The following SPMIP3 variants were observed in gnomAD, a reference collection of about 807,000 sequenced individuals.
SPMIP3 encodes sperm microtubule inner protein 3, also known as protein SPMIP3.
chr1:244,385,154 A>G, the SPMIP3 span, among the ~76,000 whole-genome samples: 4 of 152,148 alleles, frequency 2.6e-5, no homozygotes, highest in East Asian at 1.9e-4. Context: ...CGGCTCCCCA[A>G]AGTGCTGGGA....
chr1:244,385,681 G>A, the SPMIP3 span, among the ~76,000 whole-genome samples: 1 of 152,096 alleles, frequency 6.6e-6, no homozygotes, highest in Non-Finnish European at 1.5e-5. Flanking sequence ...TAAGCATTGT[G>A]CCTGTATGTA....
At chr1:244,373,331 ATT>A in the SPMIP3 span, among the ~76,000 whole-genome samples, 4 of 39,698 alleles carry the variant, frequency 1.0e-4, no homozygotes, top group African/African-American at 4.3e-4. Flanking sequence ...ACAAAAAAAA[ATT>A]ATATATATAT....
the SPMIP3 span, among the ~76,000 whole-genome samples, chr1:244,372,724 C>T: frequency 0.02 from 2,970 of 152,224 alleles, 58 homozygotes; most frequent in African/African-American, 0.053. Context: ...ATTACAGGCG[C>T]GAGCCCAGCC....
the SPMIP3 span, among the ~76,000 whole-genome samples, chr1:244,384,444 T>A: frequency 6.6e-6 from 1 of 152,192 alleles, no homozygotes; most frequent in Non-Finnish European, 1.5e-5. Context: ...GCTCAAGCAA[T>A]CTGCCCACCT....
the SPMIP3 span, chr1:244,378,374 A>T: frequency 7.7e-7 from 1 of 1,300,496 alleles, no homozygotes; most frequent in Non-Finnish European, 1.1e-6. Context: ...TGTTAGCCTC[A>T]CGGCCGTTTC....
chr1:244,356,929 T>TC, the SPMIP3 span, among the ~76,000 whole-genome samples: 7 of 145,288 alleles, frequency 4.8e-5, no homozygotes, highest in Non-Finnish European at 1.1e-4. Flanking sequence ...TTTTTTTTTT[T>TC]TTTTTTTTTT....
At chr1:244,388,955 G>A in the SPMIP3 span, 3 of 1,612,066 alleles carry the variant, frequency 1.9e-6, no homozygotes, top group Non-Finnish European at 2.5e-6. Context: ...TTCCAGATTG[G>A]AACCAGAAAT....
chr1:244,389,056 T>C, the SPMIP3 span: 1 of 1,612,292 alleles, frequency 6.2e-7, no homozygotes, highest in Non-Finnish European at 8.5e-7. Flanking sequence ...AGAAATGCTT[T>C]TAAACTAAAA....
chr1:244,380,225 T>A, the SPMIP3 span, among the ~76,000 whole-genome samples: 1 of 149,566 alleles, frequency 6.7e-6, no homozygotes, highest in African/African-American at 2.5e-5. Context: ...GTTCAAGCGA[T>A]TCTCCTGCCT....
chr1:244,377,875 G>A, the SPMIP3 span, among the ~76,000 whole-genome samples: 13 of 151,856 alleles, frequency 8.6e-5, no homozygotes, highest in Admixed American at 1.3e-4. Context: ...GCTCAGTCTC[G>A]GCTCACTGCA....
At chr1:244,372,348 G>A in the SPMIP3 span, among the ~76,000 whole-genome samples, 4 of 152,066 alleles carry the variant, frequency 2.6e-5, no homozygotes, top group African/African-American at 4.8e-5. Context: ...TGGTTGAGTC[G>A]AACTGAAGGC....
chr1:244,374,254 C>G, the SPMIP3 span, among the ~76,000 whole-genome samples: 3 of 152,118 alleles, frequency 2.0e-5, no homozygotes, highest in African/African-American at 7.2e-5. Flanking sequence ...CCTCTTCTTA[C>G]GTTCACCCCA....
chr1:244,367,455 G>C, the SPMIP3 span, among the ~76,000 whole-genome samples: 1 of 152,152 alleles, frequency 6.6e-6, no homozygotes. Flanking sequence ...AGCCTGGAGG[G>C]GGAATGCACG....
At chr1:244,356,799 CAGTT>C in the SPMIP3 span, among the ~76,000 whole-genome samples, 2 of 152,144 alleles carry the variant, frequency 1.3e-5, no homozygotes, top group East Asian at 1.9e-4. Flanking sequence ...ATAACTCACT[CAGTT>C]ATTCAGTAAA....
At chr1:244,371,513 C>T in the SPMIP3 span, among the ~76,000 whole-genome samples, 10 of 152,256 alleles carry the variant, frequency 6.6e-5, no homozygotes, top group African/African-American at 2.4e-4. Flanking sequence ...CCTCCCAAAA[C>T]CTGCCAAGAG....
chr1:244,365,449 G>A, the SPMIP3 span, among the ~76,000 whole-genome samples: 9 of 152,164 alleles, frequency 5.9e-5, no homozygotes, highest in Non-Finnish European at 1.2e-4. Flanking sequence ...TCTCTTGCCT[G>A]CCGCCATGGA....
chr1:244,373,017 G>A, the SPMIP3 span, among the ~76,000 whole-genome samples: 10 of 151,962 alleles, frequency 6.6e-5, no homozygotes, highest in East Asian at 1.6e-3. Context: ...TCAGAGCTTC[G>A]TCATGTCCCA....
At chr1:244,381,656 C>T in the SPMIP3 span, among the ~76,000 whole-genome samples, 1 of 152,200 alleles carries the variant, frequency 6.6e-6, no homozygotes, top group Non-Finnish European at 1.5e-5. Context: ...TGAGGCCTGG[C>T]ACAGTGGCTC....
chr1:244,378,365 G>A, the SPMIP3 span: 1 of 1,221,456 alleles, frequency 8.2e-7, no homozygotes, highest in Non-Finnish European at 1.2e-6. Flanking sequence ...AATACTCTCT[G>A]TTAGCCTCAC....
Sources: gnomAD v4.1 joint callset for allele counts (sites outside exome capture counted in the v4.1 genomes callset) on GRCh38, gnomAD v4.1.1 for gene constraint, MANE v1.5 for transcripts, NCBI Gene and HGNC (gene_info 2026-07-23, HGNC 2026-07-21) for gene names.